KTN1: variants seen among roughly 807,000 people sequenced by gnomAD.
The protein encoded by KTN1 is kinectin.
In KTN1, 130 loss-of-function variants were observed where a neutral mutation model predicts 222.5. The observed-to-expected ratio is 0.58, with a 90% CI of 0.51 to 0.68. KTN1 has a LOEUF of 0.68. Among genes scored for constraint, KTN1 ranks in the 30% least tolerant of loss-of-function variants. The pLI, the probability that KTN1 is intolerant of heterozygous loss-of-function variation, is 0.00. For missense variants in KTN1, 1,508 were observed against 1,500.4 expected, an observed-to-expected ratio of 1.01 and a Z score of -0.08; for synonymous variants, 512 against 496.3, an observed-to-expected ratio of 1.03 and a Z score of -0.42.
intron 33 of KTN1, among the ~76,000 whole-genome samples, 167 bp from the exon 34 acceptor site, chr14:55,667,074 G>A (rs916902447): frequency 2.0e-5 from 3 of 151,732 alleles, no homozygotes; most frequent in Non-Finnish European, 2.9e-5. Context: ...TCTTATGGGA[G>A]CATTTTAATA....
At chr14:55,675,797 C>A in intron 40 of KTN1, 38 bp from the exon 41 acceptor site, 1 of 1,336,758 alleles carries the variant, frequency 7.5e-7, no homozygotes, top group African/African-American at 1.4e-5. Flanking sequence ...AAGAATGATG[C>A]AAATTAAGTT....
chr14:55,678,261 T>A, intron 41 of KTN1, 91 bp from the exon 42 acceptor site: 1 of 808,262 alleles, frequency 1.2e-6, no homozygotes. Flanking sequence ...TGAGAGGAGC[T>A]TTTATCTTCT....
At chr14:55,682,257 C>T (rs1244564489) in intron 43 of KTN1, 1 of 151,710 alleles carries the variant, frequency 6.6e-6, no homozygotes, top group Non-Finnish European at 1.5e-5. Context: ...ATTTTTTTCC[C>T]CATTACCTAT....
chr14:55,580,749 C>T (rs1011348343), intron 1 of KTN1, among the ~76,000 whole-genome samples: 2 of 152,126 alleles, frequency 1.3e-5, no homozygotes, highest in African/African-American at 4.8e-5. Flanking sequence ...AGCCTGAGGG[C>T]CCCCGGGAGG....
intron 1 of KTN1, among the ~76,000 whole-genome samples, chr14:55,598,883 A>G (rs889812350): frequency 3.9e-5 from 6 of 152,162 alleles, no homozygotes; most frequent in Non-Finnish European, 8.8e-5. Context: ...ATAGCTTTCA[A>G]CAGTTTTTGA....
At chr14:55,618,663 A>C (rs941514261) in intron 4 of KTN1, among the ~76,000 whole-genome samples, 3 of 152,192 alleles carry the variant, frequency 2.0e-5, no homozygotes, top group Admixed American at 6.5e-5. Context: ...TGGGTGGGTC[A>C]GGAGGTGCTT....
chr14:55,638,462 G>A (rs906684202), intron 12 of KTN1, among the ~76,000 whole-genome samples: 3 of 151,860 alleles, frequency 2.0e-5, no homozygotes, highest in African/African-American at 7.2e-5. Flanking sequence ...GTAGCAAAAA[G>A]TATTGGCTTA....
In KTN1 at chr14:55,684,246, T is replaced by G; in HGVS notation, c.*143T>G. The G allele has an allele frequency of 1.9e-6, 1 of 539,450 alleles. No homozygotes were observed. Among genetic ancestry groups the G allele is most frequent in the Non-Finnish European group, 3.1e-6 (1 of 319,746 alleles). The allele number at this position is 539,450 out of a possible 1,614,324, so 33.4% of individuals were successfully genotyped here. A position where few individuals can be genotyped will look rare whatever the true frequency, so the allele number is the denominator to read the frequency against. On this transcript the variant is annotated 3_prime_UTR_variant, in exon 44 of 44. Coordinates refer to ENST00000395314, the MANE Select transcript of KTN1 (RefSeq NM_001079521.2). ...TTGTCTTTTCTAATCCTTGTTAGAC[T>G]ACTGATTTAAAGAAGGAAAAAAAAA...
chr14:55,616,878 C>G (rs1412843890), intron 3 of KTN1, among the ~76,000 whole-genome samples: 1 of 152,068 alleles, frequency 6.6e-6, no homozygotes, highest in Non-Finnish European at 1.5e-5. Flanking sequence ...ATACCATTTA[C>G]AAAGGGCAAA....
rs374767091 is a variant in KTN1, at chr14:55,639,926, G to A, written c.1837G>A (p.Asp613Asn). 44 of 1,599,600 alleles carry A rather than the reference G, an allele frequency of 2.8e-5. No homozygotes were observed. The Middle Eastern group carries it at 6.6e-4, about 24-fold the overall frequency. ...EELHKVIAEK[D>N]KQIKQTEDSL... ...TTCCTTCTAAAGGATTGCAGAAAAG[G>A]ATAAGCAGATAAAACAGACTGAAGA... The change falls in exon 14 of 44, where the codon GAT (aspartate) becomes AAT (asparagine). Residue 613 changes from aspartate (D) to asparagine (N), a missense_variant. Asp to Asn is a conservative substitution (Grantham distance 23). Coordinates refer to ENST00000395314, the MANE Select transcript of KTN1 (RefSeq NM_001079521.2).
Position 55,640,445 on chromosome 14 carries a change from A to C in KTN1, c.1983+3A>C. 1 of 1,595,750 alleles carries C rather than the reference A, an allele frequency of 6.3e-7. No individual in the cohort carries two copies. Among genetic ancestry groups the C allele is most frequent in the South Asian group, 1.1e-5 (1 of 88,904 alleles). On this transcript the variant is annotated splice_donor_region_variant and intron_variant, in intron 15 of 43. Transcript: ENST00000395314. ...TACAGGCCCTGGCAAATGAGCAGGT[A>C]GATCTTTATTGCTTTTGAGCATTGA...
intron 12 of KTN1, among the ~76,000 whole-genome samples, chr14:55,638,705 AGTT>A (rs1377295683): frequency 1.3e-5 from 2 of 151,850 alleles, no homozygotes; most frequent in Non-Finnish European, 1.5e-5. Context: ...TGTGATCTTT[AGTT>A]ATCAGCTGAG....
At chr14:55,663,006 C>A in intron 32 of KTN1, 1 of 455,462 alleles carries the variant, frequency 2.2e-6, no homozygotes. Context: ...GTCAGTCTTT[C>A]CTTCTAGTTT....
Position 55,612,048 on chromosome 14 carries a change from C to T in KTN1, c.-1C>T, listed in dbSNP as rs1399421985. The T allele has an allele frequency of 1.4e-6, 2 of 1,433,136 alleles. No individual in the cohort carries two copies. Among genetic ancestry groups the T allele is most frequent in the Admixed American group, 5.5e-5 (2 of 36,368 alleles). The allele number at this position is 1,433,136 out of a possible 1,614,324, so 88.8% of individuals were successfully genotyped here. On this transcript the variant is annotated 5_prime_UTR_variant, in exon 2 of 44. Coordinates refer to ENST00000395314, the MANE Select transcript of KTN1 (RefSeq NM_001079521.2). ...TATAGGATCACATTGACAAAAGTAC[C>T]ATGGAGTTTTATGAGTCAGCATATT...
intron 1 of KTN1, among the ~76,000 whole-genome samples, chr14:55,595,545 T>G (rs1411444769): frequency 6.6e-6 from 1 of 152,254 alleles, no homozygotes; most frequent in Non-Finnish European, 1.5e-5. Context: ...ATTCAACACA[T>G]TTGTAAACTG....
intron 1 of KTN1, among the ~76,000 whole-genome samples, chr14:55,604,080 C>A (rs1293251443): frequency 6.6e-6 from 1 of 152,208 alleles, no homozygotes; most frequent in Non-Finnish European, 1.5e-5. Flanking sequence ...CAGTAGTTTT[C>A]CCATATTACT....
chr14:55,624,833 T>G (rs2039595208), intron 5 of KTN1, among the ~76,000 whole-genome samples: 1 of 152,078 alleles, frequency 6.6e-6, no homozygotes, highest in Admixed American at 6.6e-5. Flanking sequence ...GTAACATGCT[T>G]TAGAGATGTC....
At position 55,580,284 on chromosome 14, in the gene KTN1, C is replaced by T. The variant is rs2031008608; in HGVS notation, c.-101C>T. On this transcript the variant is annotated 5_prime_UTR_variant, in exon 1 of 44. Transcript: ENST00000395314. ...GGCGGCGGCGGCGGCGGCGGCGCCTCGGAGCGGGCGGCCCGGGCTGTAGTG... is the reference window on the plus strand; with the variant it reads ...GGCGGCGGCGGCGGCGGCGGCGCCTTGGAGCGGGCGGCCCGGGCTGTAGTG... The T allele has an allele frequency of 6.5e-6, 1 of 153,622 alleles. No individual in the cohort carries two copies. The highest frequency in any genetic ancestry group is 2.5e-5 in the African/African-American group (1 of 40,676). 9.5% of individuals were successfully genotyped at this position (153,622 alleles called of 1,614,324 possible). A position where few individuals can be genotyped will look rare whatever the true frequency, so the allele number is the denominator to read the frequency against.
At chr14:55,675,239 C>A (rs1485203699) in intron 40 of KTN1, 1 of 152,152 alleles carries the variant, frequency 6.6e-6, no homozygotes, top group African/African-American at 2.4e-5. Flanking sequence ...ATTATATATT[C>A]GCATTGGAGT....
Sources: allele counts gnomAD v4.1 joint callset (sites outside exome capture counted in the v4.1 genomes callset), GRCh38; gene constraint gnomAD v4.1.1; transcripts MANE v1.5; gene names NCBI Gene and HGNC (gene_info 2026-07-23, HGNC 2026-07-21).